Variants in FBN2 observed in about 807,000 individuals in gnomAD.
The protein encoded by FBN2 is fibrillin-2.
A neutral mutation model predicts 355.6 loss-of-function variants in FBN2; 105 were observed. That is an observed-to-expected ratio of 0.30 (90% confidence interval 0.25 to 0.35). The LOEUF (loss-of-function observed/expected upper bound fraction) is 0.35, where lower values mean the gene tolerates loss of function less well. FBN2 is among the 10% of genes least tolerant of loss of function. FBN2 has a pLI of 1.00. For missense variants in FBN2, 3,280 were observed against 3,758.7 expected (o/e 0.87, Z 3.33); for synonymous variants, 1,350 against 1,301.2 (o/e 1.04, Z -0.81).
chr5:128,531,520 G>A (rs1018882725), intron 2 of FBN2, among the ~76,000 whole-genome samples: 4 of 151,900 alleles, frequency 2.6e-5, no homozygotes, highest in East Asian at 1.9e-4. Context: ...GGACATATTC[G>A]TGCAACTAAA....
intron 6 of FBN2, among the ~76,000 whole-genome samples, chr5:128,461,234 C>T: frequency 6.6e-6 from 1 of 152,014 alleles, no homozygotes; most frequent in Non-Finnish European, 1.5e-5. Context: ...ATTTATGTGG[C>T]CAACAAACAT....
rs138823724 is a variant in FBN2, at chr5:128,385,249, C to T, written c.1604-6359G>A. 1.8e-3 allele frequency among the ~76,000 whole-genome samples: 273 copies of T among 152,148 alleles called. 1 individual carries two copies. The highest frequency in any genetic ancestry group is 3.1e-3 in the Non-Finnish European group (212 of 67,954). Reference sequence around the variant, plus strand: ...CAAGTAGGCCCTAGTGTCTCTTGTTCCCTTGTGTTCACATGTACTGAATGT... The same window carrying T: ...CAAGTAGGCCCTAGTGTCTCTTGTTTCCTTGTGTTCACATGTACTGAATGT... On this transcript the variant is annotated intron_variant, in intron 11 of 64. Transcript: ENST00000262464.
chr5:128,481,290 G>T (rs1402176521), intron 5 of FBN2, among the ~76,000 whole-genome samples: 1 of 152,170 alleles, frequency 6.6e-6, no homozygotes, highest in Non-Finnish European at 1.5e-5. Flanking sequence ...ATTCATGACT[G>T]TTAGCCTTTA....
Position 128,290,765 on chromosome 5 carries a change from C to A in FBN2, c.6412G>T (p.Asp2138Tyr), listed in dbSNP as rs753821249. The A allele has an allele frequency of 2.5e-6, 4 of 1,613,794 alleles. No homozygotes were observed. Among genetic ancestry groups the A allele is most frequent in the East Asian group, 2.2e-5 (1 of 44,880 alleles). The change falls in exon 50 of 65, where the codon GAC (aspartate) becomes TAC (tyrosine). Residue 2138 changes from aspartate (D) to tyrosine (Y), a missense_variant. This residue lies in a region of FBN2 where 2,284 missense variants were observed against 2,749.5 expected (regional missense o/e 0.83). Transcript: ENST00000262464. ...TCTTTGGGGCACAGCTCACAGGGGT[C>A]CCCCCAGCCCTCTCCTGGCATCTTA... ...CSKMPGEGWG[D>Y]PCELCPKDDE...
intron 5 of FBN2, among the ~76,000 whole-genome samples, chr5:128,502,085 A>G (rs1755832771): frequency 6.6e-6 from 1 of 152,132 alleles, no homozygotes; most frequent in African/African-American, 2.4e-5. Context: ...CAAGTGACTT[A>G]GGAGAAGAAA....
chr5:128,440,505 T>A (rs754375444), intron 7 of FBN2, among the ~76,000 whole-genome samples: 3 of 152,028 alleles, frequency 2.0e-5, no homozygotes, highest in Non-Finnish European at 4.4e-5. Context: ...CCAGATCTCA[T>A]GAGAACTCAC....
chr5:128,536,267 G>A, intron 2 of FBN2, 135 bp downstream of exon 2: 1 of 732,662 alleles, frequency 1.4e-6, no homozygotes, highest in Non-Finnish European at 2.4e-6. Context: ...AAATGGGGCC[G>A]CGTCCCGATT....
chr5:128,291,750 CAAG>C, intron 48 of FBN2, 96 bp from the exon 49 acceptor site: 1 of 1,122,418 alleles, frequency 8.9e-7, no homozygotes, highest in Non-Finnish European at 1.4e-6. Flanking sequence ...ATATTTCAGA[CAAG>C]AGATATTACG....
intron 7 of FBN2, among the ~76,000 whole-genome samples, chr5:128,420,034 G>GAA (rs1753306079): frequency 2.0e-5 from 3 of 152,222 alleles, no homozygotes; most frequent in African/African-American, 7.2e-5. Flanking sequence ...TTTGATAATT[G>GAA]ACAATGATGT....
rs909091906 is a variant in FBN2 at position 128,346,642 on chromosome 5, C to G, written c.2990-1058G>C. Reference sequence around the variant, plus strand: ...CTTTCTTTTGAGATGGAGTCTCACTCTGTTGCCCAGACCAGGTGTGGCGTG... The same window carrying G: ...CTTTCTTTTGAGATGGAGTCTCACTGTGTTGCCCAGACCAGGTGTGGCGTG... On this transcript the variant is annotated intron_variant, in intron 23 of 64. Coordinates refer to ENST00000262464, the MANE Select transcript of FBN2 (RefSeq NM_001999.4). 4.6e-5 allele frequency among the ~76,000 whole-genome samples: 7 copies of G among 152,100 alleles called. No homozygotes were observed. The South Asian group carries it at 1.5e-3, about 32-fold the overall frequency.
intron 15 of FBN2, 111 bp from the exon 16 acceptor site, chr5:128,369,445 G>A (rs988848928): frequency 2.0e-5 from 20 of 984,460 alleles, no homozygotes; most frequent in African/African-American, 1.6e-4. Flanking sequence ...CTTTTCAAGG[G>A]CATCTGAGAC....
intron 14 of FBN2, among the ~76,000 whole-genome samples, chr5:128,375,916 T>C (rs1752066403): frequency 6.6e-6 from 1 of 151,988 alleles, no homozygotes; most frequent in Admixed American, 6.6e-5. Flanking sequence ...CACATGCATG[T>C]ACTCCCAGCT....
Position 128,528,116 on chromosome 5 carries a change from T to G in FBN2, c.437-149A>C. On this transcript the variant is annotated intron_variant, in intron 3 of 64. Coordinates refer to ENST00000262464, the MANE Select transcript of FBN2 (RefSeq NM_001999.4). The stretch of plus-strand genomic sequence containing the variant: ...ATACTATGACCCAAACATATTTTTA[T>G]TCATCATTTCTTTATAAGTGCACAC... The G allele has an allele frequency of 7.5e-6, 5 of 666,350 alleles. No individual in the cohort carries two copies. The South Asian group carries it at 8.1e-5, about 11-fold the overall frequency. The allele number at this position is 666,350 out of a possible 1,614,324, so 41.3% of individuals were successfully genotyped here.
At position 128,303,013 on chromosome 5, in the gene FBN2, G is replaced by A. The variant is rs528504682; in HGVS notation, c.5877C>T (p.Cys1959=). The A allele has an allele frequency of 1.2e-6, 2 of 1,610,972 alleles. No homozygotes were observed. Among genetic ancestry groups the A allele is most frequent in the African/African-American group, 1.3e-5 (1 of 74,956 alleles). ...KNTVGSYNCL[C]YPGFELTHNN... ...TATGAGTGAGTTCAAACCCTGGGTA[G>A]CACAGACAGTTATAGGATCCAACGG... The change falls in exon 46 of 65, where the codon TGC becomes TGT. Residue 1959 remains cysteine, a synonymous_variant. Coordinates refer to ENST00000262464, the MANE Select transcript of FBN2 (RefSeq NM_001999.4).
At position 128,527,866 on chromosome 5, in the gene FBN2, C is replaced by T; in HGVS notation, c.532+6G>A. On this transcript the variant is annotated splice_donor_region_variant and intron_variant, in intron 4 of 64. Transcript: ENST00000262464. ...AAATGATTTCTAATAAATCAATGTC[C>T]CTTACGTTGTCCACAATAAGTTCCA... is the stretch of plus-strand genomic sequence containing the variant. 1 of 1,558,276 alleles carries T rather than the reference C, an allele frequency of 6.4e-7. No homozygotes were observed. The highest frequency in any genetic ancestry group is 8.9e-7 in the Non-Finnish European group (1 of 1,129,790).
At chr5:128,412,357 AAG>A (rs1351478697) in intron 7 of FBN2, among the ~76,000 whole-genome samples, 1 of 152,196 alleles carries the variant, frequency 6.6e-6, no homozygotes, top group East Asian at 1.9e-4. Flanking sequence ...CACCTAGTGG[AAG>A]AGAGTGTCTT....
At chr5:128,291,953 C>A (rs973965963) in intron 48 of FBN2, among the ~76,000 whole-genome samples, 5 of 152,066 alleles carry the variant, frequency 3.3e-5, no homozygotes, top group Non-Finnish European at 7.4e-5. Flanking sequence ...GCATTGCAGG[C>A]TCCATGTGGC....
rs768293070 is a variant in FBN2 at position 128,259,519 on chromosome 5, T to C, written c.8675A>G (p.Asp2892Gly). 37 of 1,613,874 alleles carry C rather than the reference T, an allele frequency of 2.3e-5. No individual in the cohort carries two copies. Among genetic ancestry groups the C allele is most frequent in the Middle Eastern group, 1.7e-4 (1 of 6,008 alleles). The change falls in exon 65 of 65, where the codon GAT becomes GGT. Residue 2892 changes from aspartate (D) to glycine (G), a missense_variant. Coordinates refer to ENST00000262464, the MANE Select transcript of FBN2 (RefSeq NM_001999.4). ...CCCAAGCTCCCCTAGGAGGTAGTCATCCTCATTGCTCTCTTCCAGTTTCTT... is the reference window on the plus strand; with the variant it reads ...CCCAAGCTCCCCTAGGAGGTAGTCACCCTCATTGCTCTCTTCCAGTTTCTT... ...ELKKLEESNE[D>G]DYLLGELGEA...
intron 5 of FBN2, among the ~76,000 whole-genome samples, chr5:128,515,831 A>T (rs922599297): frequency 6.6e-6 from 1 of 152,192 alleles, no homozygotes; most frequent in African/African-American, 2.4e-5. Flanking sequence ...AAATGTTACT[A>T]AGCACCAGAT....
Sources: gnomAD v4.1 joint callset for allele counts (sites outside exome capture counted in the v4.1 genomes callset) on GRCh38, gnomAD v4.1.1 for gene constraint, gnomAD v4.1.1 regional missense constraint, MANE v1.5 for transcripts, NCBI Gene and HGNC (gene_info 2026-07-23, HGNC 2026-07-21) for gene names.